Variants in MYH4 observed in about 807,000 individuals in gnomAD.
MYH4 encodes the protein myosin-4.
MYH4 carries 200 observed loss-of-function variants against 229.9 expected under a neutral mutation model. The ratio of observed to expected loss-of-function variants is 0.87; its 90% CI spans 0.78 to 0.98. The LOEUF is 0.98. MYH4 is among the 50% of genes least tolerant of loss of function. The pLI, the probability that MYH4 is intolerant of heterozygous loss-of-function variation, is 0.00. For synonymous variants in MYH4, 761 were observed against 834.6 expected (o/e 0.91, Z 1.52); for missense variants, 2,148 against 2,332.6 (o/e 0.92, Z 1.63).
At position 10,450,428 on chromosome 17, in the gene MYH4, G is replaced by A. The variant is rs749363656; in HGVS notation, c.4181+25C>T. ...ACTGCCTTTACTTTTATTTCTTCCT[G>A]CTCCCCTGCACTAAAAGCACATACT... On this transcript the variant is annotated intron_variant, in intron 30 of 39. Transcript: ENST00000255381. The A allele has an allele frequency of 3.1e-6, 5 of 1,613,442 alleles. 1 individual carries two copies. Among genetic ancestry groups the A allele is most frequent in the Middle Eastern group, 3.3e-4 (2 of 6,078 alleles).
intron 14 of MYH4, 152 bp downstream of exon 14, chr17:10,459,800 T>G: frequency 7.0e-7 from 1 of 1,431,030 alleles, no homozygotes; most frequent in South Asian, 1.4e-5. Flanking sequence ...TCTTTTCCTA[T>G]TTATACCTAT....
In MYH4 at chr17:10,466,352, T is replaced by C; in HGVS notation, c.269A>G (p.Asp90Gly). 6.2e-7 allele frequency: 1 copy of C among 1,614,162 alleles called. No homozygotes were observed. The highest frequency in any genetic ancestry group is 8.5e-7 in the Non-Finnish European group (1 of 1,180,000). Residue 90 changes from aspartate to glycine, a missense_variant, in exon 4 of 40, where the codon GAC becomes GGC. Physicochemically the swap from Asp to Gly is moderately conservative, Grantham distance 94 (BLOSUM62 -1). Coordinates refer to ENST00000255381, the MANE Select transcript of MYH4 (RefSeq NM_017533.2). ...ATGCAGGTGAGTCATCATGGCCATG[T>C]CCTCGATCTTGTCATATTTGGGAGG... Reference protein sequence around the residue: ...MNPPKYDKIEDMAMMTHLHEP... With the variant: ...MNPPKYDKIEGMAMMTHLHEP...
At chr17:10,461,998 C>G (rs1178540410) in intron 11 of MYH4, among the ~76,000 whole-genome samples, 1 of 152,086 alleles carries the variant, frequency 6.6e-6, no homozygotes, top group Non-Finnish European at 1.5e-5. Flanking sequence ...TTTCTTAACT[C>G]CCTATCACTT....
chr17:10,462,851 T>A lies in MYH4; in HGVS notation c.1008+14A>T, dbSNP rs1419551903. ...AATGAATTTACTTTTTACTACTTTG[T>A]ACCTATTACTTACATCTGTGGCCAT... On this transcript the variant is annotated intron_variant, in intron 11 of 39. Coordinates refer to ENST00000255381, the MANE Select transcript of MYH4 (RefSeq NM_017533.2). 6.3e-7 allele frequency: 1 copy of A among 1,599,742 alleles called. No individual in the cohort carries two copies. Among genetic ancestry groups the A allele is most frequent in the East Asian group, 2.2e-5 (1 of 44,850 alleles).
intron 30 of MYH4, among the ~76,000 whole-genome samples, chr17:10,449,788 T>A (rs1349632267): frequency 6.6e-6 from 1 of 152,188 alleles, no homozygotes; most frequent in Non-Finnish European, 1.5e-5. Flanking sequence ...TTCATGACCT[T>A]TCCCAGCCCA....
At chr17:10,456,033 G>C in intron 17 of MYH4, 132 bp from the exon 18 acceptor site, 1 of 1,134,380 alleles carries the variant, frequency 8.8e-7, no homozygotes. Flanking sequence ...TAACAGAGAG[G>C]AATCATATAA....
At chr17:10,453,408 GA>G in intron 23 of MYH4, 80 bp from the exon 24 acceptor site, 2 of 1,603,558 alleles carry the variant, frequency 1.2e-6, no homozygotes, top group Non-Finnish European at 1.7e-6. Context: ...AGTATCTTAG[GA>G]TAATGTCAGC....
In MYH4 at chr17:10,452,411, C is replaced by G. The variant is rs372648040; in HGVS notation, c.3348+5G>C. ...TGCCCAGAAAAGGTGGAGGTTATAACTTACCTGTAATTCTTTGATCTTCTT... is the reference window on the plus strand; with the variant it reads ...TGCCCAGAAAAGGTGGAGGTTATAAGTTACCTGTAATTCTTTGATCTTCTT... On this transcript the variant is annotated splice_donor_5th_base_variant and intron_variant, in intron 26 of 39. Transcript: ENST00000255381. 26 of 1,614,110 alleles carry G rather than the reference C, an allele frequency of 1.6e-5. No individual in the cohort carries two copies. The African/African-American group carries it at 2.8e-4, about 17-fold the overall frequency.
intron 2 of MYH4, among the ~76,000 whole-genome samples, chr17:10,467,354 A>G (rs556030017): frequency 1.3e-5 from 2 of 152,386 alleles, no homozygotes; most frequent in African/African-American, 4.8e-5. Context: ...TCTAATCATT[A>G]CAAATAAACA....
intron 4 of MYH4, among the ~76,000 whole-genome samples, 172 bp from the exon 5 acceptor site, chr17:10,465,770 C>CTTTTTTTTTTTT (rs957442606): frequency 6.1e-5 from 6 of 97,994 alleles, no homozygotes; most frequent in East Asian, 3.3e-4. Flanking sequence ...TTCAGTTTTT[C>CTTTTTTTTTTTT]TTTTTTTTTT....
intron 15 of MYH4, among the ~76,000 whole-genome samples, chr17:10,458,757 T>C (rs2142224490): frequency 6.6e-6 from 1 of 152,320 alleles, no homozygotes; most frequent in East Asian, 1.9e-4. Flanking sequence ...AGGTAAGTGA[T>C]ACAGAGGTTT....
rs180954890 is a variant in MYH4 at position 10,443,710 on chromosome 17, C to T, written c.5668-183G>A. ...CTGAGGCGGGTGGATCACCTGAGGT[C>T]AGGAATTCGAGACCAGCCTGGCCAA... On this transcript the variant is annotated intron_variant, in intron 39 of 39. Transcript: ENST00000255381. The surrounding 1 kb of genome is among the most constrained non-coding windows in gnomAD (Gnocchi z 4.6). 8.0e-4 allele frequency among the ~76,000 whole-genome samples: 122 copies of T among 152,280 alleles called. No individual in the cohort carries two copies. The highest frequency in any genetic ancestry group is 5.8e-3 in the Admixed American group (88 of 15,292).
intron 7 of MYH4, among the ~76,000 whole-genome samples, chr17:10,463,965 A>G (rs1244004036): frequency 6.6e-6 from 1 of 152,178 alleles, no homozygotes; most frequent in Non-Finnish European, 1.5e-5. Flanking sequence ...TTCTGGCATC[A>G]CTTGCAATTG....
At chr17:10,445,440 A>G (rs987894585) in intron 35 of MYH4, 78 bp from the exon 36 acceptor site, 7 of 1,540,598 alleles carry the variant, frequency 4.5e-6, no homozygotes, top group Non-Finnish European at 6.2e-6. Flanking sequence ...TAGTGTACAC[A>G]GGCAAAAATT....
chr17:10,457,288 A>T, intron 16 of MYH4, 132 bp downstream of exon 16: 1 of 1,005,838 alleles, frequency 9.9e-7, no homozygotes, highest in Non-Finnish European at 1.4e-6. Flanking sequence ...GTTATTAAAT[A>T]CACTTTCTTT....
Position 10,450,795 on chromosome 17 carries a change from C to T in MYH4, c.3966G>A (p.Gln1322=). ...TTCTCACCTTAGTCTCCTCTTCTAG[C>T]TGCCTCTTTAATTCTTCAATCTGTT... The part of the protein sequence containing the change: ...FTQQIEELKR[Q]LEEETKAKST... Residue 1322 remains glutamine, a synonymous_variant, in exon 29 of 40, where the codon CAG becomes CAA. Coordinates refer to ENST00000255381, the MANE Select transcript of MYH4 (RefSeq NM_017533.2). 6.2e-7 allele frequency: 1 copy of T among 1,613,854 alleles called. No individual in the cohort carries two copies. The highest frequency in any genetic ancestry group is 8.5e-7 in the Non-Finnish European group (1 of 1,179,748).
chr17:10,456,495 G>A lies in MYH4; in HGVS notation c.1958C>T (p.Ala653Val), dbSNP rs1027055491. The change falls in exon 17 of 40, where the codon GCT becomes GTT. Residue 653 changes from alanine (A) to valine (V), a missense_variant. Transcript: ENST00000255381. The stretch of plus-strand genomic sequence containing the variant: ...AAGAATATACTGTACCCTGAAAAGA[G>A]CTGACACTGTCTGGAAAGAAGAACC... ...KKGSSFQTVS[A>V]LFRENLNKLM... 1.2e-6 allele frequency: 2 copies of A among 1,613,472 alleles called. No homozygotes were observed. The highest frequency in any genetic ancestry group is 3.3e-5 in the Admixed American group (2 of 60,012).
At chr17:10,452,631 T>C in intron 25 of MYH4, 125 bp from the exon 26 acceptor site, 1 of 1,224,126 alleles carries the variant, frequency 8.2e-7, no homozygotes, top group Non-Finnish European at 1.1e-6. Context: ...GTTTTACAGA[T>C]TAATAATTGT....
At chr17:10,444,358 T>C (rs1197539526) in intron 39 of MYH4, among the ~76,000 whole-genome samples, 1 of 152,186 alleles carries the variant, frequency 6.6e-6, no homozygotes, top group African/African-American at 2.4e-5. Flanking sequence ...GGAAGTGGAT[T>C]GCAACTAAGA....
Sources: allele counts gnomAD v4.1 joint callset (sites outside exome capture counted in the v4.1 genomes callset), GRCh38; gene constraint gnomAD v4.1.1; non-coding constraint Gnocchi (gnomAD v3.1); transcripts MANE v1.5; gene names NCBI Gene and HGNC (gene_info 2026-07-23, HGNC 2026-07-21).